Variants in ADAMTS17 observed in about 807,000 individuals in gnomAD.
The protein encoded by ADAMTS17 is A disintegrin and metalloproteinase with thrombospondin motifs 17.
Under a neutral mutation model 141.5 loss-of-function variants are expected in ADAMTS17, and 113 were observed. That is an observed-to-expected ratio of 0.80 (90% confidence interval 0.69 to 0.93). The LOEUF (loss-of-function observed/expected upper bound fraction) is 0.93, where lower values mean the gene tolerates loss of function less well. ADAMTS17 is among the 40% of genes least tolerant of loss of function. The pLI is 0.00. For missense variants in ADAMTS17, 1,659 were observed against 1,517.9 expected (o/e 1.09, Z -1.54); for synonymous variants, 768 against 630.6 (o/e 1.22, Z -3.27).
chr15:100,076,337 C>T (rs2034376546), intron 15 of ADAMTS17, among the ~76,000 whole-genome samples: 1 of 152,214 alleles, frequency 6.6e-6, no homozygotes, highest in Admixed American at 6.5e-5. Flanking sequence ...GCCATTGTGC[C>T]TGGCCTATGA....
chr15:100,246,454 CA>C (rs2042988894), intron 7 of ADAMTS17, among the ~76,000 whole-genome samples: 1 of 152,100 alleles, frequency 6.6e-6, no homozygotes, highest in Non-Finnish European at 1.5e-5. Flanking sequence ...TGGTCAAAAG[CA>C]TAATTATAAA....
At chr15:100,232,380 G>C (rs1231647962) in intron 7 of ADAMTS17, among the ~76,000 whole-genome samples, 1 of 152,186 alleles carries the variant, frequency 6.6e-6, no homozygotes, top group South Asian at 2.1e-4. Flanking sequence ...CCCGGGTATC[G>C]ACCCATCATC....
Position 100,102,079 on chromosome 15 carries a change from G to T in ADAMTS17, c.2017-5603C>A, listed in dbSNP as rs375292092. Among the ~76,000 whole-genome samples the T allele has an allele frequency of 6.3e-4, 96 of 152,310 alleles. 1 individual carries two copies. The highest frequency in any genetic ancestry group is 2.2e-3 in the African/African-American group (90 of 41,564). On this transcript the variant is annotated intron_variant, in intron 14 of 21. Transcript: ENST00000268070. ...AAATAGAATTTCTGAGTTCTTCTGT[G>T]TCTCAAAATTAGTTTCCCTGCATGC...
At chr15:100,239,759 G>A (rs1044973782) in intron 7 of ADAMTS17, among the ~76,000 whole-genome samples, 1 of 152,152 alleles carries the variant, frequency 6.6e-6, no homozygotes, top group Admixed American at 6.5e-5. Flanking sequence ...GAGGAAGGTG[G>A]ACATGGACAC....
chr15:100,199,179 T>G, intron 8 of ADAMTS17, 139 bp downstream of exon 8: 2 of 785,684 alleles, frequency 2.5e-6, no homozygotes, highest in East Asian at 2.6e-5. Flanking sequence ...TGGACCCTAG[T>G]GTACTGACCT....
chr15:99,972,046 T>C lies in ADAMTS17; in HGVS notation c.*2356A>G, dbSNP rs2060218029. The C allele has an allele frequency of 6.6e-6, 1 of 152,272 alleles. No homozygotes were observed. The highest frequency in any genetic ancestry group is 1.9e-4 in the East Asian group (1 of 5,176). 9.4% of individuals were successfully genotyped at this position (152,272 alleles called of 1,614,324 possible). ...GCGGGTGGATCATGAGGTCAGGAGA[T>C]CGAGACCATCCTGGCTAACATGGTG... On this transcript the variant is annotated 3_prime_UTR_variant, in exon 22 of 22. Coordinates refer to ENST00000268070, the MANE Select transcript of ADAMTS17 (RefSeq NM_139057.4).
chr15:100,268,888 G>A (rs2043809814), intron 4 of ADAMTS17, among the ~76,000 whole-genome samples: 1 of 152,022 alleles, frequency 6.6e-6, no homozygotes, highest in Non-Finnish European at 1.5e-5. Context: ...TATACTAGAA[G>A]GTTACAGTAA....
chr15:100,074,586 T>C (rs73474479), intron 15 of ADAMTS17, among the ~76,000 whole-genome samples: 6,304 of 152,178 alleles, frequency 0.041, 458 homozygotes, highest in African/African-American at 0.14. Flanking sequence ...CCTCACTTGG[T>C]GATAGCATAT....
intron 18 of ADAMTS17, among the ~76,000 whole-genome samples, chr15:100,001,824 C>CACAAGGTGAATGTACTTACTG (rs2060928696): frequency 1.1e-4 from 16 of 151,052 alleles, no homozygotes; most frequent in African/African-American, 3.9e-4. Flanking sequence ...ACAAAAATAG[C>CACAAGGTGAATGTACTTACTG]CCCCCGTGGT....
At chr15:100,292,033 CGA>C (rs2044641239) in intron 3 of ADAMTS17, among the ~76,000 whole-genome samples, 1 of 145,654 alleles carries the variant, frequency 6.9e-6, no homozygotes, top group South Asian at 2.2e-4. Flanking sequence ...TGTGGAATCA[CGA>C]GAGACGCTCA....
chr15:100,051,759 T>C, intron 16 of ADAMTS17, 28 bp from the exon 17 acceptor site: 1 of 1,614,004 alleles, frequency 6.2e-7, no homozygotes, highest in Non-Finnish European at 8.5e-7. Flanking sequence ...CAAAAGGCCA[T>C]TTTGAAAAGG....
chr15:100,244,930 G>A (rs986349074), intron 7 of ADAMTS17, among the ~76,000 whole-genome samples: 1 of 152,084 alleles, frequency 6.6e-6, no homozygotes, highest in Non-Finnish European at 1.5e-5. Context: ...ACTCCCCCTC[G>A]TGTTTTCGGG....
chr15:100,170,131 G>T (rs1393282901), intron 8 of ADAMTS17, among the ~76,000 whole-genome samples: 2 of 152,132 alleles, frequency 1.3e-5, no homozygotes, highest in Non-Finnish European at 2.9e-5. Flanking sequence ...CATGGGCTTG[G>T]GAACGATGGC....
At chr15:100,236,015 T>A (rs2042642474) in intron 7 of ADAMTS17, among the ~76,000 whole-genome samples, 2 of 152,042 alleles carry the variant, frequency 1.3e-5, no homozygotes, top group Admixed American at 1.3e-4. Context: ...ACATTTGGGG[T>A]AAATTCGATT....
intron 8 of ADAMTS17, among the ~76,000 whole-genome samples, chr15:100,177,746 C>A (rs747662262): frequency 2.6e-5 from 4 of 152,088 alleles, no homozygotes; most frequent in Non-Finnish European, 5.9e-5. Context: ...TGAAAATAGC[C>A]TTTTAAAATT....
intron 7 of ADAMTS17, among the ~76,000 whole-genome samples, chr15:100,208,996 A>G (rs1158357939): frequency 6.6e-6 from 1 of 151,416 alleles, no homozygotes; most frequent in African/African-American, 2.4e-5. Context: ...TTCCAATGGT[A>G]CGTTCTTGAG....
rs375759487 is a variant in ADAMTS17, at chr15:100,261,369, C to G, written c.1031+110G>C. 9.4e-6 allele frequency: 14 copies of G among 1,488,808 alleles called. No homozygotes were observed. In the African/African-American group the frequency reaches 1.7e-4, roughly 18 times the overall value. 92.2% of individuals were successfully genotyped at this position (1,488,808 alleles called of 1,614,324 possible). A position where few individuals can be genotyped will look rare whatever the true frequency, so the allele number is the denominator to read the frequency against. On this transcript the variant is annotated intron_variant, in intron 6 of 21. Coordinates refer to ENST00000268070, the MANE Select transcript of ADAMTS17 (RefSeq NM_139057.4). ...AGGAAACCAAAACCCAGACAGGTGG[C>G]CCAAGGTCTGATTTCCAAGCCTGAG...
chr15:100,290,458 A>T (rs1314136250), intron 3 of ADAMTS17, among the ~76,000 whole-genome samples: 4 of 152,226 alleles, frequency 2.6e-5, no homozygotes, highest in Non-Finnish European at 5.9e-5. Flanking sequence ...ATTCAATGTT[A>T]TTCCTATCAA....
At chr15:100,214,265 T>C (rs11855263) in intron 7 of ADAMTS17, among the ~76,000 whole-genome samples, 5,775 of 152,282 alleles carry the variant, frequency 0.038, 176 homozygotes, top group Non-Finnish European at 0.057. Context: ...CATCTGGCTT[T>C]GTGAAGAAGG....
Sources: gnomAD v4.1 joint callset for allele counts (sites outside exome capture counted in the v4.1 genomes callset) on GRCh38, gnomAD v4.1.1 for gene constraint, MANE v1.5 for transcripts, NCBI Gene and HGNC (gene_info 2026-07-23, HGNC 2026-07-21) for gene names.